The following NCOA1 variants were observed in gnomAD, a reference collection of about 807,000 sequenced individuals.
The protein encoded by NCOA1 is nuclear receptor coactivator 1.
NCOA1 carries 35 observed loss-of-function variants against 150.9 expected under a neutral mutation model. The ratio of observed to expected loss-of-function variants is 0.23; its 90% CI spans 0.18 to 0.31. The LOEUF (loss-of-function observed/expected upper bound fraction) is 0.31, where lower values mean the gene tolerates loss of function less well. NCOA1 is among the 10% of genes least tolerant of loss of function. The probability of loss-of-function intolerance (pLI) is 1.00; values close to 1 mark genes in which losing one functional copy is unlikely to be tolerated. For synonymous variants in NCOA1, 590 were observed against 630.0 expected, an observed-to-expected ratio of 0.94 and a Z score of 0.95; for missense variants, 1,491 against 1,749.3, an observed-to-expected ratio of 0.85 and a Z score of 2.63.
At chr2:24,760,499 C>A (rs6710087) in intron 21 of NCOA1, among the ~76,000 whole-genome samples, 1 of 151,942 alleles carries the variant, frequency 6.6e-6, no homozygotes, top group Admixed American at 6.6e-5. Flanking sequence ...GGCTAATGAG[C>A]TTTTCTATGT....
chr2:24,706,769 T>C lies in NCOA1; in HGVS notation c.1299T>C (p.Asn433=). ...ACCTTCATAGCAGCAGTCATAGTAA[T>C]TCTAGCAACAGCCAAGGAAGTTTCG... ...SSDLHSSSHS[N]SSNSQGSFGC... Residue 433 remains asparagine, a synonymous_variant, in exon 13 of 23, where the codon AAT becomes AAC. Transcript: ENST00000348332. The C allele has an allele frequency of 6.2e-7, 1 of 1,614,224 alleles. No homozygotes were observed. Among genetic ancestry groups the C allele is most frequent in the Non-Finnish European group, 8.5e-7 (1 of 1,180,036 alleles).
At chr2:24,516,921 T>C (rs183161441) in intron 1 of NCOA1, among the ~76,000 whole-genome samples, 2,671 of 86,158 alleles carry the variant, frequency 0.031, 37 homozygotes, top group South Asian at 0.045. Flanking sequence ...CATGTGTGTG[T>C]GCGCGCGTGT....
At position 24,516,535 on chromosome 2, in the gene NCOA1, C is replaced by G. The variant is rs191071979; in HGVS notation, c.-396+24933C>G. 2.0e-5 allele frequency among the ~76,000 whole-genome samples: 3 copies of G among 151,592 alleles called. No homozygotes were observed. The East Asian group carries it at 5.9e-4, about 30-fold the overall frequency. On this transcript the variant is annotated intron_variant, in intron 1 of 22. Coordinates refer to ENST00000348332, the MANE Select transcript of NCOA1 (RefSeq NM_003743.5). Reference sequence around the variant, plus strand: ...GAGGGGAGGAGCAAAGATAAAAGTTCATTACATTGTGTCATTACGCAGTGA... The same window carrying G: ...GAGGGGAGGAGCAAAGATAAAAGTTGATTACATTGTGTCATTACGCAGTGA...
At chr2:24,752,379 A>T (rs1453394592) in intron 20 of NCOA1, among the ~76,000 whole-genome samples, 2 of 152,234 alleles carry the variant, frequency 1.3e-5, no homozygotes, top group African/African-American at 4.8e-5. Flanking sequence ...TCATGGGCTG[A>T]TTGTATTCAC....
chr2:24,502,846 A>C (rs756284432), intron 1 of NCOA1, among the ~76,000 whole-genome samples: 1 of 152,244 alleles, frequency 6.6e-6, no homozygotes, highest in Admixed American at 6.5e-5. Context: ...TGTTCAGACC[A>C]TAAAATTTAA....
intron 14 of NCOA1, among the ~76,000 whole-genome samples, chr2:24,726,060 C>A (rs762335365): frequency 3.9e-5 from 6 of 151,962 alleles, no homozygotes; most frequent in Admixed American, 3.3e-4. Context: ...TCATTTGGGC[C>A]ATCATTATAA....
chr2:24,604,501 T>C (rs937376188), intron 3 of NCOA1, among the ~76,000 whole-genome samples: 1 of 152,390 alleles, frequency 6.6e-6, no homozygotes, highest in African/African-American at 2.4e-5. Context: ...TGCTGCAGTA[T>C]GTCCATCAGC....
chr2:24,552,123 T>G (rs1665852917), intron 1 of NCOA1, among the ~76,000 whole-genome samples: 1 of 151,754 alleles, frequency 6.6e-6, no homozygotes, highest in Non-Finnish European at 1.5e-5. Context: ...GTGTTTTGAC[T>G]ATTCTGGTTT....
At chr2:24,629,504 T>C (rs1669589586) in intron 3 of NCOA1, among the ~76,000 whole-genome samples, 1 of 149,254 alleles carries the variant, frequency 6.7e-6, no homozygotes, top group Non-Finnish European at 1.5e-5. Flanking sequence ...TTTTACACTT[T>C]ATCATTAAAC....
chr2:24,600,955 GT>G, intron 3 of NCOA1, among the ~76,000 whole-genome samples: 1 of 151,948 alleles, frequency 6.6e-6, no homozygotes, highest in East Asian at 1.9e-4. Context: ...AGTAGTTTGT[GT>G]TTTCAGTGTT....
rs573782366 is a variant in NCOA1 at position 24,761,483 on chromosome 2, A to G, written c.4066-1204A>G. Among the ~76,000 whole-genome samples the G allele has an allele frequency of 1.3e-5, 2 of 152,066 alleles. 1 individual carries two copies. Among genetic ancestry groups the G allele is most frequent in the South Asian group, 4.2e-4 (2 of 4,818 alleles). On this transcript the variant is annotated intron_variant, in intron 21 of 22. Coordinates refer to ENST00000348332, the MANE Select transcript of NCOA1 (RefSeq NM_003743.5). ...TTTTTATATCTTCCATATCTCCAAC[A>G]TTTTTTTCATATCTGTTCAGCCTTT...
intron 9 of NCOA1, among the ~76,000 whole-genome samples, chr2:24,692,743 A>G (rs969774349): frequency 1.2e-4 from 18 of 152,250 alleles, no homozygotes; most frequent in African/African-American, 4.1e-4. Flanking sequence ...GGTTTATGCC[A>G]ACTAACTCTC....
intron 2 of NCOA1, among the ~76,000 whole-genome samples, chr2:24,566,855 G>A (rs1020270813): frequency 3.9e-5 from 6 of 152,256 alleles, no homozygotes; most frequent in Admixed American, 1.3e-4. Context: ...CTGGGAGCAG[G>A]AAGAGACCAG....
At chr2:24,603,997 T>C (rs1397841787) in intron 3 of NCOA1, among the ~76,000 whole-genome samples, 2 of 152,262 alleles carry the variant, frequency 1.3e-5, no homozygotes, top group African/African-American at 4.8e-5. Flanking sequence ...ATCCATGGGC[T>C]GCAGAGTGGA....
chr2:24,575,748 T>C (rs1666927954), intron 2 of NCOA1, among the ~76,000 whole-genome samples: 1 of 152,040 alleles, frequency 6.6e-6, no homozygotes, highest in African/African-American at 2.4e-5. Context: ...TAATTTTTTG[T>C]ATTTTTAGTA....
At chr2:24,758,190 C>A in intron 21 of NCOA1, 34 bp downstream of exon 21, 1 of 1,561,446 alleles carries the variant, frequency 6.4e-7, no homozygotes. Flanking sequence ...CATGCCACAC[C>A]ACATCACAGT....
chr2:24,683,028 A>C lies in NCOA1; in HGVS notation c.432A>C (p.Leu144Phe). The C allele has an allele frequency of 6.2e-7, 1 of 1,609,026 alleles. No homozygotes were observed. Among genetic ancestry groups the C allele is most frequent in the Non-Finnish European group, 8.5e-7 (1 of 1,177,664 alleles). The change falls in exon 8 of 23, where the codon TTA becomes TTC. Residue 144 changes from leucine (L) to phenylalanine (F), a missense_variant. By Grantham distance (22) the Leu-to-Phe change is conservative (BLOSUM62 0). Transcript: ENST00000348332. ...VFVSENVTSY[L>F]GYNQEELMNT... ...TGTCAGAGAATGTAACCAGCTACTT[A>C]GGTTACAATCAGGAGGAATTAATGA...
chr2:24,673,916 A>C (rs1406851786), intron 7 of NCOA1, among the ~76,000 whole-genome samples: 1 of 152,176 alleles, frequency 6.6e-6, no homozygotes, highest in African/African-American at 2.4e-5. Flanking sequence ...AAACATTCTA[A>C]GAGAATTACT....
intron 7 of NCOA1, among the ~76,000 whole-genome samples, chr2:24,677,829 C>T (rs562919221): frequency 5.9e-5 from 9 of 151,834 alleles, no homozygotes; most frequent in African/African-American, 1.5e-4. Flanking sequence ...CTTCACCAGG[C>T]GGCAGGAAAG....
Sources: allele counts gnomAD v4.1 joint callset (sites outside exome capture counted in the v4.1 genomes callset), GRCh38; gene constraint gnomAD v4.1.1; transcripts MANE v1.5; gene names NCBI Gene and HGNC (gene_info 2026-07-23, HGNC 2026-07-21).